NRDC: variants seen among roughly 807,000 people sequenced by gnomAD.
NRDC encodes nardilysin.
A neutral mutation model predicts 147.1 loss-of-function variants in NRDC; 54 were observed. The observed-to-expected ratio is 0.37, with a 90% CI of 0.29 to 0.46. The LOEUF (loss-of-function observed/expected upper bound fraction) is 0.46. Ranked by LOEUF, NRDC falls within the 20% of genes least tolerant of loss-of-function variation. The pLI is 1.00. For missense variants in NRDC, 1,082 were observed against 1,370.6 expected, an observed-to-expected ratio of 0.79 and a Z score of 3.33; for synonymous variants, 440 against 482.1, an observed-to-expected ratio of 0.91 and a Z score of 1.14.
chr1:51,839,271 C>T (rs549520539), intron 2 of NRDC, among the ~76,000 whole-genome samples: 2 of 151,542 alleles, frequency 1.3e-5, no homozygotes, highest in East Asian at 3.9e-4. Context: ...GGTGATCCTC[C>T]CATCTTCAGC....
intron 1 of NRDC, among the ~76,000 whole-genome samples, chr1:51,864,846 G>A (rs563129932): frequency 6.6e-6 from 1 of 151,920 alleles, no homozygotes; most frequent in South Asian, 2.1e-4. Flanking sequence ...CAGCTACTCA[G>A]GAGGCTGAGG....
At chr1:51,846,122 T>C (rs1278297153) in intron 1 of NRDC, among the ~76,000 whole-genome samples, 1 of 152,056 alleles carries the variant, frequency 6.6e-6, no homozygotes, top group African/African-American at 2.4e-5. Flanking sequence ...TATAATTTTT[T>C]TTTTTTTGAG....
chr1:51,830,717 A>T (rs1157847854), intron 4 of NRDC, among the ~76,000 whole-genome samples: 15 of 152,222 alleles, frequency 9.9e-5, no homozygotes. Context: ...TGTCACTCTT[A>T]CCATGAAATA....
At chr1:51,832,234 A>G (rs1680748701) in intron 4 of NRDC, among the ~76,000 whole-genome samples, 1 of 151,890 alleles carries the variant, frequency 6.6e-6, no homozygotes, top group Non-Finnish European at 1.5e-5. Context: ...TTTAGTAGAG[A>G]CAGGGTTTCA....
At chr1:51,801,839 A>G (rs533319855) in intron 20 of NRDC, among the ~76,000 whole-genome samples, 8 of 151,990 alleles carry the variant, frequency 5.3e-5, no homozygotes, top group South Asian at 2.1e-4. Context: ...CCAGGCTGGA[A>G]TGCAGTGGCG....
At chr1:51,804,913 G>A (rs1739122) in intron 19 of NRDC, among the ~76,000 whole-genome samples, 1 of 130,762 alleles carries the variant, frequency 7.6e-6, no homozygotes, top group Admixed American at 7.6e-5. Flanking sequence ...GTATCTCCTA[G>A]GTTCAGACAC....
At chr1:51,794,957 C>T in intron 22 of NRDC, 103 bp from the exon 23 acceptor site, 1 of 1,572,160 alleles carries the variant, frequency 6.4e-7, no homozygotes. Flanking sequence ...CCCTGCATAG[C>T]TTTAGGAAAG....
chr1:51,836,247 C>A, intron 2 of NRDC, 35 bp from the exon 3 acceptor site: 1 of 1,603,464 alleles, frequency 6.2e-7, no homozygotes, highest in South Asian at 1.1e-5. Context: ...ATAGTTGAGT[C>A]AACCCTAAAG....
rs201177809 is a variant in NRDC at position 51,843,620 on chromosome 1, CTT to C, written c.342-3108_342-3107del. On this transcript the variant is annotated intron_variant, in intron 1 of 30. Coordinates refer to ENST00000352171, the MANE Select transcript of NRDC (RefSeq NM_001101662.2). ...TTTATGAATTATACATGTTAACAAA[CTT>C]ATATTTGTTTTTCTTTTGTTACAGG... 5.9e-5 allele frequency among the ~76,000 whole-genome samples: 9 copies of C among 152,212 alleles called. No homozygotes were observed. In the East Asian group the frequency reaches 1.5e-3, roughly 26 times the overall value.
chr1:51,869,601 T>C (rs1557941727), intron 1 of NRDC, among the ~76,000 whole-genome samples: 1 of 152,238 alleles, frequency 6.6e-6, no homozygotes, highest in Non-Finnish European at 1.5e-5. Flanking sequence ...TCCTTTTTTA[T>C]AGCTATGTAT....
At chr1:51,844,811 GAGGAAAGAAGGAAGGAAGGAAGGAAGGA>G (rs1681460260) in intron 1 of NRDC, among the ~76,000 whole-genome samples, 1 of 82,438 alleles carries the variant, frequency 1.2e-5, no homozygotes, top group South Asian at 6.7e-4. Context: ...GGGAGGGAGG[GAGGAAAGAAGGAAGGAAGGAAGGAAGGA>G]AGGAAGGAAG....
chr1:51,813,968 G>T (rs1679842279), intron 14 of NRDC, 67 bp downstream of exon 14: 1 of 1,025,554 alleles, frequency 9.8e-7, no homozygotes, highest in Admixed American at 1.9e-5. Flanking sequence ...TCAAAAAGAG[G>T]AACAATGTCT....
chr1:51,854,066 G>A (rs181889090), intron 1 of NRDC, among the ~76,000 whole-genome samples: 12 of 152,246 alleles, frequency 7.9e-5, no homozygotes, highest in Non-Finnish European at 1.2e-4. Context: ...CTTGAATTCC[G>A]TGCTAGGAAC....
intron 19 of NRDC, among the ~76,000 whole-genome samples, chr1:51,804,264 T>A (rs1160752363): frequency 2.6e-5 from 4 of 152,208 alleles, no homozygotes; most frequent in Admixed American, 6.5e-5. Flanking sequence ...AGGCTCTGTC[T>A]ACCCTCCAAG....
intron 9 of NRDC, 91 bp from the exon 10 acceptor site, chr1:51,818,226 C>T: frequency 1.2e-6 from 1 of 828,552 alleles, no homozygotes; most frequent in Non-Finnish European, 1.8e-6. Flanking sequence ...TATTTATCCT[C>T]CAATAAACAA....
intron 2 of NRDC, among the ~76,000 whole-genome samples, chr1:51,836,705 G>A (rs1031019451): frequency 6.6e-6 from 1 of 151,970 alleles, no homozygotes; most frequent in Non-Finnish European, 1.5e-5. Context: ...GATAGAATAA[G>A]ATAACATTTT....
At chr1:51,842,470 G>A (rs930754816) in intron 1 of NRDC, among the ~76,000 whole-genome samples, 4 of 152,064 alleles carry the variant, frequency 2.6e-5, no homozygotes, top group Admixed American at 1.3e-4. Flanking sequence ...AGGGCAATAA[G>A]CTCAATTATG....
intron 1 of NRDC, among the ~76,000 whole-genome samples, chr1:51,866,729 TAC>T (rs1327024445): frequency 6.6e-6 from 1 of 151,662 alleles, no homozygotes; most frequent in Non-Finnish European, 1.5e-5. Context: ...TCTAATGTGA[TAC>T]CTTTCTATTT....
chr1:51,805,423 G>GCTCA (rs1679418063), intron 19 of NRDC, 87 bp downstream of exon 19: 1 of 1,056,494 alleles, frequency 9.5e-7, no homozygotes, highest in Non-Finnish European at 1.4e-6. Flanking sequence ...TATGGATAGA[G>GCTCA]AAAATGACAG....
Sources: allele counts gnomAD v4.1 joint callset (sites outside exome capture counted in the v4.1 genomes callset), GRCh38; gene constraint gnomAD v4.1.1; transcripts MANE v1.5; gene names NCBI Gene and HGNC (gene_info 2026-07-23, HGNC 2026-07-21).